The following CPA5 variants were observed in gnomAD, a reference collection of about 807,000 sequenced individuals.
CPA5 encodes carboxypeptidase A5.
Under a neutral mutation model 52.2 loss-of-function variants are expected in CPA5, and 38 were observed. The ratio of observed to expected loss-of-function variants is 0.73; its 90% confidence interval spans 0.56 to 0.95. CPA5 has a LOEUF of 0.95. Among genes scored for constraint, CPA5 ranks in the 40% least tolerant of loss-of-function variants. The probability of loss-of-function intolerance (pLI) is 0.00; values close to 1 mark genes in which losing one functional copy is unlikely to be tolerated. For missense variants in CPA5, 519 were observed against 566.7 expected, an observed-to-expected ratio of 0.92 and a Z score of 0.86; for synonymous variants, 198 against 213.7, an observed-to-expected ratio of 0.93 and a Z score of 0.64.
rs182827641 is a variant in CPA5, at chr7:130,348,697, A to G, written c.198+850A>G. Among the ~76,000 whole-genome samples the G allele has an allele frequency of 1.3e-3, 204 of 152,186 alleles. 1 individual carries two copies. Among genetic ancestry groups the G allele is most frequent in the Non-Finnish European group, 2.4e-3 (163 of 68,000 alleles). On this transcript the variant is annotated intron_variant, in intron 4 of 12. Coordinates refer to ENST00000474905, the MANE Select transcript of CPA5 (RefSeq NM_080385.5). ...TGCAATGAGTATGAGTGAGGTGTGG[A>G]GGCAACAGGACTTGGAATTAGGGAA...
At chr7:130,365,383 C>T (rs563046268) in intron 10 of CPA5, among the ~76,000 whole-genome samples, 1 of 152,076 alleles carries the variant, frequency 6.6e-6, no homozygotes, top group South Asian at 2.1e-4. Context: ...GTGGGTCTCA[C>T]CACAGGAAAA....
chr7:130,374,092 C>T, the CPA5 span, among the ~76,000 whole-genome samples: 2 of 152,226 alleles, frequency 1.3e-5, no homozygotes, highest in East Asian at 1.9e-4. Context: ...TGTTGGGACA[C>T]GGGCCGGCTG....
rs1235276949 is a variant in CPA5 at position 130,367,355 on chromosome 7, C to CT, written c.839-14dup. 3.1e-6 allele frequency: 5 copies of CT among 1,612,940 alleles called. No homozygotes were observed. The Admixed American group carries it at 8.3e-5, about 27-fold the overall frequency. On this transcript the variant is annotated splice_polypyrimidine_tract_variant and intron_variant, in intron 10 of 12. Transcript: ENST00000474905. Reference sequence around the variant, plus strand: ...CGTGGGGATTTGACTCTTTGGGTGGCTTTATTTTACTTCCAGGAAATGGTT... The same window carrying CT: ...CGTGGGGATTTGACTCTTTGGGTGGCTTTTATTTTACTTCCAGGAAATGGTT...
chr7:130,355,333 C>T (rs1445649580), intron 5 of CPA5, among the ~76,000 whole-genome samples: 1 of 152,208 alleles, frequency 6.6e-6, no homozygotes, highest in African/African-American at 2.4e-5. Context: ...GCATTTACTA[C>T]ATGCCTGGCA....
chr7:130,368,397 C>CT lies in CPA5; in HGVS notation c.1124-9dup. The stretch of plus-strand genomic sequence containing the variant: ...TCCTTTTGTGGGGCACATTTTGGAA[C>CT]TTTTGTTTCTAGATGTGGCCAGTGG... On this transcript the variant is annotated splice_polypyrimidine_tract_variant and intron_variant, in intron 12 of 12. Coordinates refer to ENST00000474905, the MANE Select transcript of CPA5 (RefSeq NM_080385.5). 6.2e-7 allele frequency: 1 copy of CT among 1,612,514 alleles called. No homozygotes were observed. The highest frequency in any genetic ancestry group is 8.5e-7 in the Non-Finnish European group (1 of 1,179,000).
chr7:130,373,758 A>C, the CPA5 span, among the ~76,000 whole-genome samples: 1 of 152,260 alleles, frequency 6.6e-6, no homozygotes, highest in Non-Finnish European at 1.5e-5. Flanking sequence ...GAGAGAATGC[A>C]GCGAACATGG....
At chr7:130,357,539 C>T (rs1554405519) in intron 5 of CPA5, among the ~76,000 whole-genome samples, 1 of 151,552 alleles carries the variant, frequency 6.6e-6, no homozygotes, top group East Asian at 1.9e-4. Flanking sequence ...AGGAGAATCG[C>T]TTGAACCTGG....
intron 5 of CPA5, among the ~76,000 whole-genome samples, chr7:130,356,265 T>TACC (rs1795471100): frequency 6.6e-6 from 1 of 152,206 alleles, no homozygotes; most frequent in Non-Finnish European, 1.5e-5. Flanking sequence ...GGGAGGACTG[T>TACC]TCTTCCCTTA....
At chr7:130,369,106 T>C (rs1554409560), downstream of CPA5, among the ~76,000 whole-genome samples, 1 of 152,110 alleles carries the variant, frequency 6.6e-6, no homozygotes, top group East Asian at 1.9e-4. Flanking sequence ...CAGGAGCACA[T>C]TTTGGAGGTT....
intron 11 of CPA5, 98 bp from the exon 12 acceptor site, chr7:130,367,808 C>G: frequency 9.2e-7 from 1 of 1,091,832 alleles, no homozygotes; most frequent in South Asian, 1.3e-5. Context: ...ACTTCCAGGA[C>G]TGCTAAATCC....
chr7:130,350,423 T>C (rs1246128701), intron 5 of CPA5, among the ~76,000 whole-genome samples: 1 of 152,034 alleles, frequency 6.6e-6, no homozygotes, highest in Non-Finnish European at 1.5e-5. Context: ...GTAGCTGGGG[T>C]CTTCCCCAGG....
intron 5 of CPA5, among the ~76,000 whole-genome samples, chr7:130,352,073 T>C (rs1795181882): frequency 6.6e-6 from 1 of 151,940 alleles, no homozygotes. Context: ...AGACATTCAT[T>C]AGGAGGAGGA....
At chr7:130,353,213 A>C (rs1795279914) in intron 5 of CPA5, among the ~76,000 whole-genome samples, 1 of 122,152 alleles carries the variant, frequency 8.2e-6, no homozygotes, top group Non-Finnish European at 1.8e-5. Context: ...GAAAATACTG[A>C]CTCTCCCTGT....
At chr7:130,359,207 C>A (rs1194971684) in intron 5 of CPA5, among the ~76,000 whole-genome samples, 5 of 152,258 alleles carry the variant, frequency 3.3e-5, no homozygotes, top group South Asian at 2.1e-4. Flanking sequence ...TTTTTTCCCC[C>A]AAAAACACCT....
intron 8 of CPA5, 34 bp downstream of exon 8, chr7:130,362,573 G>T (rs782080963): frequency 6.8e-7 from 1 of 1,471,974 alleles, no homozygotes; most frequent in Non-Finnish European, 9.5e-7. Flanking sequence ...GTGCACCCAC[G>T]ATGGGGGCTG....
downstream of CPA5, among the ~76,000 whole-genome samples, chr7:130,370,006 G>A (rs138742197): frequency 2.6e-4 from 39 of 152,342 alleles, no homozygotes; most frequent in African/African-American, 9.4e-4. Context: ...GCCGAAGAAG[G>A]AGACTAGACA....
intron 10 of CPA5, among the ~76,000 whole-genome samples, chr7:130,367,143 C>G (rs1796133329): frequency 6.6e-6 from 1 of 151,910 alleles, no homozygotes; most frequent in Non-Finnish European, 1.5e-5. Flanking sequence ...TTGCTTCCAG[C>G]CACACAGACA....
chr7:130,365,798 C>G (rs1163871203), intron 10 of CPA5, among the ~76,000 whole-genome samples: 2 of 152,254 alleles, frequency 1.3e-5, no homozygotes, highest in Non-Finnish European at 2.9e-5. Context: ...GCAGACAAAG[C>G]CTTCAACCTC....
chr7:130,368,943 A>G (rs1796251205), downstream of CPA5, among the ~76,000 whole-genome samples: 1 of 152,174 alleles, frequency 6.6e-6, no homozygotes, highest in Non-Finnish European at 1.5e-5. Context: ...ACATTGTCCC[A>G]GCATATTTAC....
Sources: gnomAD v4.1 joint callset for allele counts (sites outside exome capture counted in the v4.1 genomes callset) on GRCh38, gnomAD v4.1.1 for gene constraint, MANE v1.5 for transcripts, NCBI Gene and HGNC (gene_info 2026-07-23, HGNC 2026-07-21) for gene names.